Variants in HGH1 observed in about 807,000 individuals in gnomAD.
HGH1 encodes HGH1 cochaperone.
A neutral mutation model predicts 31.7 loss-of-function variants in HGH1; 31 were observed. The observed-to-expected ratio is 0.98, with a 90% CI of 0.73 to 1.32. The LOEUF is 1.32. HGH1 is among the 40% of genes most tolerant of loss of function. HGH1 has a pLI of 0.00. For synonymous variants in HGH1, 284 were observed against 293.6 expected (o/e 0.97, Z 0.34); for missense variants, 618 against 594.4 (o/e 1.04, Z -0.41).
In HGH1 at chr8:144,138,191, C is replaced by T. The variant is rs1815122312; in HGVS notation, c.356C>T (p.Pro119Leu). Residue 119 changes from proline (P) to leucine (L), a missense_variant, in exon 1 of 6, where the codon CCC (proline) becomes CTC (leucine). By Grantham distance (98) the Pro-to-Leu change is moderately conservative. Coordinates refer to ENST00000347708, the MANE Select transcript of HGH1 (RefSeq NM_016458.4). ...LMGRALDPQWPWAEEAAAALA... is the reference protein window; with the variant it reads ...LMGRALDPQWLWAEEAAAALA... Reference sequence around the variant, plus strand: ...GGCCGCGCGTTGGACCCGCAGTGGCCCTGGGCCGAGGAGGCGGCCGCCGCG... The same window carrying T: ...GGCCGCGCGTTGGACCCGCAGTGGCTCTGGGCCGAGGAGGCGGCCGCCGCG... 9 of 1,361,312 alleles carry T rather than the reference C, an allele frequency of 6.6e-6. No individual in the cohort carries two copies. The highest frequency in any genetic ancestry group is 6.4e-5 in the East Asian group (2 of 31,136). The allele number at this position is 1,361,312 out of a possible 1,614,324, so 84.3% of individuals were successfully genotyped here.
At position 144,139,286 on chromosome 8, in the gene HGH1, G is replaced by C. The variant is rs1434231638; in HGVS notation, c.983G>C (p.Arg328Pro). 6.2e-7 allele frequency: 1 copy of C among 1,613,954 alleles called. No homozygotes were observed. Among genetic ancestry groups the C allele is most frequent in the Non-Finnish European group, 8.5e-7 (1 of 1,179,856 alleles). The change falls in exon 5 of 6, where the codon CGG (arginine) becomes CCG (proline). Residue 328 changes from arginine (R) to proline (P), a missense_variant. By Grantham distance (103) the Arg-to-Pro change is moderately radical (BLOSUM62 -2). Coordinates refer to ENST00000347708, the MANE Select transcript of HGH1 (RefSeq NM_016458.4). ...LHSWEPEPDV[R>P]TACEKLIQVL... ...AGCTGGGAGCCGGAGCCCGACGTGCGGACGGCTTGTGAGAAGCTCATCCAG... is the reference window on the plus strand; with the variant it reads ...AGCTGGGAGCCGGAGCCCGACGTGCCGACGGCTTGTGAGAAGCTCATCCAG...
Position 144,138,005 on chromosome 8 carries a change from T to C in HGH1, c.170T>C (p.Leu57Pro). Residue 57 changes from leucine (L) to proline (P), a missense_variant, in exon 1 of 6, where the codon CTG becomes CCG. By Grantham distance (98) the Leu-to-Pro change is moderately conservative. Coordinates refer to ENST00000347708, the MANE Select transcript of HGH1 (RefSeq NM_016458.4). ...ACTGGCTGCGGACCCGGCCGCGCGC[T>C]GTTGGCGGGGCAGGCGGCGCTGCTG... ...ALTGCGPGRA[L>P]LAGQAALLQA... The C allele has an allele frequency of 7.6e-7, 1 of 1,315,888 alleles. No homozygotes were observed. 81.5% of individuals were successfully genotyped at this position (1,315,888 alleles called of 1,614,324 possible).
Position 144,139,177 on chromosome 8 carries a change from C to T in HGH1, c.886-12C>T. On this transcript the variant is annotated splice_polypyrimidine_tract_variant and intron_variant, in intron 4 of 5. Coordinates refer to ENST00000347708, the MANE Select transcript of HGH1 (RefSeq NM_016458.4). ...CATGCTGACATCTGGGTAACCTCTT[C>T]CACCTCCTCAGCTGACAGCCACAGC... The T allele has an allele frequency of 1.2e-6, 2 of 1,613,994 alleles. No individual in the cohort carries two copies. The highest frequency in any genetic ancestry group is 1.1e-5 in the South Asian group (1 of 91,084).
chr8:144,139,350 G>A (rs1308891427), intron 5 of HGH1, 38 bp from the exon 6 acceptor site: 1 of 1,613,944 alleles, frequency 6.2e-7, no homozygotes, highest in African/African-American at 1.3e-5. Context: ...AGGGGTGTCT[G>A]TAGCTGGCCA....
chr8:144,138,534 T>A lies in HGH1; in HGVS notation c.621T>A (p.Leu207=). Residue 207 remains leucine (L), a synonymous_variant, in exon 2 of 6, where the codon CTT becomes CTA. Transcript: ENST00000347708. ...GCGTGGTCCAGCGGCTGCTGCCCCT[T>A]ACCCAGTACCCCGACTCCTCTGTAC... is the stretch of plus-strand genomic sequence containing the variant. ...DRCVVQRLLP[L]TQYPDSSVRR... is the part of the protein sequence containing the mutation. 1 of 1,611,700 alleles carries A rather than the reference T, an allele frequency of 6.2e-7. No individual in the cohort carries two copies. The highest frequency in any genetic ancestry group is 8.5e-7 in the Non-Finnish European group (1 of 1,179,292).
chr8:144,139,874 A>C lies in HGH1; in HGVS notation c.*322A>C, dbSNP rs7839148. 20,527 of 497,008 alleles carry C rather than the reference A, an allele frequency of 0.041. 3,362 individuals carry two copies. Among genetic ancestry groups the C allele is most frequent in the African/African-American group, 0.35 (18,251 of 51,690 alleles). The allele number at this position is 497,008 out of a possible 1,614,324, so 30.8% of individuals were successfully genotyped here. On this transcript the variant is annotated 3_prime_UTR_variant, in exon 6 of 6. Coordinates refer to ENST00000347708, the MANE Select transcript of HGH1 (RefSeq NM_016458.4). ...GACTCTTCCTGGGCACGGCGTGGGG[A>C]CTGGACAGAAAACCACTGCAAGCCC...
At chr8:144,138,650 A>T (rs1587641759) in intron 2 of HGH1, 43 bp downstream of exon 2, 2 of 1,601,044 alleles carry the variant, frequency 1.2e-6, no homozygotes, top group Non-Finnish European at 1.7e-6. Context: ...AGGTGTGGGG[A>T]CTGGACTCCG....
In HGH1 at chr8:144,140,188, CCT is replaced by C. The variant is rs1414032263; in HGVS notation, c.*641_*642del. 1 of 158,982 alleles carries C rather than the reference CCT, an allele frequency of 6.3e-6. No homozygotes were observed. Among genetic ancestry groups the C allele is most frequent in the East Asian group, 1.9e-4 (1 of 5,262 alleles). 9.8% of individuals were successfully genotyped at this position (158,982 alleles called of 1,614,324 possible). A position where few individuals can be genotyped will look rare whatever the true frequency, so the allele number is the denominator to read the frequency against. Reference sequence around the variant, plus strand: ...CAGATTGAGTGGGTGCTCTCATTGGCCTCTCTAGCTAGGCCGTCTCCCTGGTC... The same window carrying C: ...CAGATTGAGTGGGTGCTCTCATTGGCCTCTAGCTAGGCCGTCTCCCTGGTC... On this transcript the variant is annotated 3_prime_UTR_variant, in exon 6 of 6. Transcript: ENST00000347708.
Position 144,139,805 on chromosome 8 carries a change from CAGA to C in HGH1, c.*256_*258del. 1.6e-6 allele frequency: 1 copy of C among 612,294 alleles called. No homozygotes were observed. Among genetic ancestry groups the C allele is most frequent in the South Asian group, 2.0e-5 (1 of 49,078 alleles). The allele number at this position is 612,294 out of a possible 1,614,324, so 37.9% of individuals were successfully genotyped here. A position where few individuals can be genotyped will look rare whatever the true frequency, so the allele number is the denominator to read the frequency against. ...AGGCACCGTGACTCGGCTGCCTGTG[CAGA>C]AGGTGGAGGTGGCAGGCGGATGGCC... On this transcript the variant is annotated 3_prime_UTR_variant, in exon 6 of 6. Transcript: ENST00000347708.
Position 144,139,666 on chromosome 8 carries a change from C to T in HGH1, c.*114C>T, listed in dbSNP as rs1815160117. 4 of 1,437,850 alleles carry T rather than the reference C, an allele frequency of 2.8e-6. No individual in the cohort carries two copies. The highest frequency in any genetic ancestry group is 1.3e-5 in the South Asian group (1 of 79,176). The allele number at this position is 1,437,850 out of a possible 1,614,324, so 89.1% of individuals were successfully genotyped here. Reference sequence around the variant, plus strand: ...GGTCCCCTTGTTCAGAGACTGTGCTCTTCTGAGAAGCAGAGCTACGCTTAG... The same window carrying T: ...GGTCCCCTTGTTCAGAGACTGTGCTTTTCTGAGAAGCAGAGCTACGCTTAG... On this transcript the variant is annotated 3_prime_UTR_variant, in exon 6 of 6. Transcript: ENST00000347708.
chr8:144,138,937 G>A (rs1815143487), intron 3 of HGH1, 72 bp from the exon 4 acceptor site: 42 of 1,599,200 alleles, frequency 2.6e-5, no homozygotes, highest in Middle Eastern at 3.3e-4. Flanking sequence ...GCACAGGTGG[G>A]ACTTACACAG....
In HGH1 at chr8:144,139,739, AC is replaced by A; in HGVS notation, c.*189del. 1 of 827,622 alleles carries A rather than the reference AC, an allele frequency of 1.2e-6. No individual in the cohort carries two copies. The highest frequency in any genetic ancestry group is 1.8e-6 in the Non-Finnish European group (1 of 542,072). The allele number at this position is 827,622 out of a possible 1,614,324, so 51.3% of individuals were successfully genotyped here. A position where few individuals can be genotyped will look rare whatever the true frequency, so the allele number is the denominator to read the frequency against. ...CTTTCCAGCCCTGTGCAGTGTTGCTACCAGCAAGAATGAAGGTTGTGCAGAG... is the reference window on the plus strand; with the variant it reads ...CTTTCCAGCCCTGTGCAGTGTTGCTACAGCAAGAATGAAGGTTGTGCAGAG... On this transcript the variant is annotated 3_prime_UTR_variant, in exon 6 of 6. Transcript: ENST00000347708.
chr8:144,138,600 C>G lies in HGH1; in HGVS notation c.687C>G (p.Phe229Leu). 1.2e-6 allele frequency: 2 copies of G among 1,612,984 alleles called. No homozygotes were observed. The highest frequency in any genetic ancestry group is 1.7e-6 in the Non-Finnish European group (2 of 1,179,512). Residue 229 changes from phenylalanine (F) to leucine (L), a missense_variant, in exon 2 of 6, where the codon TTC (phenylalanine) becomes TTG (leucine). Transcript: ENST00000347708. ...TGGGGACGCTGCGGAATTGCTGCTT[C>G]GAGCACCGTGAGTGGTGGGTGTGGC... ...GVVGTLRNCC[F>L]EHRHHEWLLG...
chr8:144,139,146 CAT>C lies in HGH1; in HGVS notation c.886-42_886-41del, dbSNP rs1157557188. 8.1e-6 allele frequency: 13 copies of C among 1,613,900 alleles called. No individual in the cohort carries two copies. In the South Asian group the frequency reaches 1.1e-4, roughly 14 times the overall value. ...AATAAGCACCACCCCAACACACACA[CAT>C]GAGCATGCTGACATCTGGGTAACCT... On this transcript the variant is annotated intron_variant, in intron 4 of 5. Transcript: ENST00000347708.
Position 144,138,814 on chromosome 8 carries a change from G to T in HGH1, c.793+1G>T. 1 of 1,613,978 alleles carries T rather than the reference G, an allele frequency of 6.2e-7. No homozygotes were observed. The highest frequency in any genetic ancestry group is 8.5e-7 in the Non-Finnish European group (1 of 1,179,866). On this transcript the variant is annotated splice_donor_variant, in intron 3 of 5. Transcript: ENST00000347708. LOFTEE classifies it high-confidence loss of function. ...GATTTCTCCGAGGAAGAGATGGAACGTGAGTGGCTAGTGTGGAGCCTCAGA... is the reference window on the plus strand; with the variant it reads ...GATTTCTCCGAGGAAGAGATGGAACTTGAGTGGCTAGTGTGGAGCCTCAGA...
chr8:144,139,849 G>A lies in HGH1; in HGVS notation c.*297G>A. The A allele has an allele frequency of 1.8e-6, 1 of 551,016 alleles. No individual in the cohort carries two copies. The highest frequency in any genetic ancestry group is 3.2e-6 in the Non-Finnish European group (1 of 311,764). The allele number at this position is 551,016 out of a possible 1,614,324, so 34.1% of individuals were successfully genotyped here. A position where few individuals can be genotyped will look rare whatever the true frequency, so the allele number is the denominator to read the frequency against. On this transcript the variant is annotated 3_prime_UTR_variant, in exon 6 of 6. Transcript: ENST00000347708. The stretch of plus-strand genomic sequence containing the variant: ...GCGGATGGCCAGGGAGCCATGAGAA[G>A]ACTCTTCCTGGGCACGGCGTGGGGA...
At position 144,138,322 on chromosome 8, in the gene HGH1, TGCACGCCCGGCTACAACGCCC is replaced by T; in HGVS notation, c.490_510del (p.Thr164_Arg170del). ...CCTGGAGCGGCTGGTGCGCGCGCTG[TGCACGCCCGGCTACAACGCCC>T]GCGCGCCCCTGCACTACCTAGCGCC... On this transcript the variant is annotated inframe_deletion, in exon 1 of 6. Transcript: ENST00000347708. 6.5e-7 allele frequency: 1 copy of T among 1,536,352 alleles called. No homozygotes were observed. The highest frequency in any genetic ancestry group is 1.2e-5 in the South Asian group (1 of 84,354).
At chr8:144,139,134 C>T (rs2130180379) in intron 4 of HGH1, 34 bp downstream of exon 4, 3 of 1,614,002 alleles carry the variant, frequency 1.9e-6, no homozygotes, top group East Asian at 2.2e-5. Flanking sequence ...AAGCACCACC[C>T]CAACACACAC....
rs1167504564 is a variant in HGH1, at chr8:144,139,546, C to T, written c.1167C>T (p.Pro389=). Residue 389 remains proline (P), a synonymous_variant, in exon 6 of 6, where the codon CCC becomes CCT. Coordinates refer to ENST00000347708, the MANE Select transcript of HGH1 (RefSeq NM_016458.4). ...AGCCATGGGTGGAGAGGGCCACACC[C>T]ACCTGAGGCCCCTGCAGCCGGACAC... ...APEPWVERAT[P]T 1.9e-6 allele frequency: 3 copies of T among 1,552,384 alleles called. No individual in the cohort carries two copies. The East Asian group carries it at 7.3e-5, about 38-fold the overall frequency.
Sources: allele counts gnomAD v4.1 joint callset, GRCh38; gene constraint gnomAD v4.1.1; transcripts MANE v1.5; gene names NCBI Gene and HGNC (gene_info 2026-07-23, HGNC 2026-07-21).